Variants in WWOX observed in about 807,000 individuals in gnomAD.
WWOX encodes WW domain-containing oxidoreductase.
In WWOX, 69 loss-of-function variants were observed where a neutral mutation model predicts 46.2. That is an observed-to-expected ratio of 1.49 (90% CI 1.23 to 1.82). WWOX has a LOEUF of 1.82. WWOX is among the 40% of genes most tolerant of loss of function. The pLI is 0.00. For missense variants in WWOX, 919 were observed against 542.6 expected (o/e 1.69, Z -6.89); for synonymous variants, 359 against 202.6 (o/e 1.77, Z -6.56).
At chr16:79,011,130 C>G (rs912687367) in intron 8 of WWOX, among the ~76,000 whole-genome samples, 2 of 98,926 alleles carry the variant, frequency 2.0e-5, no homozygotes, top group African/African-American at 8.4e-5. Flanking sequence ...TACTCACTCA[C>G]ACATCCACAC....
At chr16:78,257,480 G>C (rs1038046053) in intron 5 of WWOX, among the ~76,000 whole-genome samples, 8 of 152,130 alleles carry the variant, frequency 5.3e-5, no homozygotes, top group African/African-American at 1.7e-4. Flanking sequence ...AGTGACACAA[G>C]ACTCTTTGGG....
intron 5 of WWOX, among the ~76,000 whole-genome samples, chr16:78,189,813 C>G (rs2035825672): frequency 6.6e-6 from 1 of 152,144 alleles, no homozygotes; most frequent in Non-Finnish European, 1.5e-5. Context: ...TGCCACCACG[C>G]TCAGCTAATT....
chr16:78,314,051 G>A (rs7200018), intron 5 of WWOX, among the ~76,000 whole-genome samples: 2,664 of 152,164 alleles, frequency 0.018, 72 homozygotes, highest in African/African-American at 0.061. Context: ...AAATGGAGCT[G>A]GGCATCTGTC....
intron 8 of WWOX, among the ~76,000 whole-genome samples, chr16:78,716,033 T>A (rs2142337668): frequency 6.6e-6 from 1 of 151,534 alleles, no homozygotes; most frequent in African/African-American, 2.4e-5. Flanking sequence ...ATTCTGATAA[T>A]CATTATCATC....
chr16:79,116,797 T>C (rs1197166235), intron 8 of WWOX, among the ~76,000 whole-genome samples: 11 of 151,992 alleles, frequency 7.2e-5, no homozygotes, highest in Non-Finnish European at 1.6e-4. Flanking sequence ...GCATCTAGAA[T>C]GCTGAATCCT....
intron 5 of WWOX, chr16:78,278,590 T>G: frequency 6.2e-7 from 1 of 1,605,746 alleles, no homozygotes; most frequent in Non-Finnish European, 8.5e-7. Flanking sequence ...TGTCTTTTGT[T>G]TGTATCTTAC....
In WWOX at chr16:78,821,300, ACAG is replaced by A. The variant is rs556895066; in HGVS notation, c.1056+388550_1056+388552del. On this transcript the variant is annotated intron_variant, in intron 8 of 8. Coordinates refer to ENST00000566780, the MANE Select transcript of WWOX (RefSeq NM_016373.4). ...GAGGCACAGGCTTGCCCCAGGTTAC[ACAG>A]CTAGTTATGATGGAGGGTGGGTCGG... Among the ~76,000 whole-genome samples, 10 of 152,304 alleles carry A rather than the reference ACAG, an allele frequency of 6.6e-5. No homozygotes were observed. The South Asian group carries it at 2.1e-3, about 32-fold the overall frequency.
intron 8 of WWOX, among the ~76,000 whole-genome samples, chr16:78,647,173 C>G (rs190661714): frequency 6.6e-6 from 1 of 152,162 alleles, no homozygotes; most frequent in Non-Finnish European, 1.5e-5. Context: ...GAATCAGCCT[C>G]TGGGAATCAC....
intron 8 of WWOX, among the ~76,000 whole-genome samples, chr16:78,773,078 G>C (rs2050104066): frequency 6.6e-6 from 1 of 152,122 alleles, no homozygotes. Context: ...CAAACAAAAA[G>C]AAATTAGGTA....
intron 5 of WWOX, among the ~76,000 whole-genome samples, chr16:78,359,075 C>T (rs13338259): frequency 0.22 from 33,231 of 152,002 alleles, 5,206 homozygotes; most frequent in African/African-American, 0.45. Flanking sequence ...AGTTTAAATG[C>T]AAATAGATAA....
At chr16:78,821,493 A>T (rs942694626) in intron 8 of WWOX, among the ~76,000 whole-genome samples, 1 of 152,212 alleles carries the variant, frequency 6.6e-6, no homozygotes, top group Admixed American at 6.5e-5. Context: ...GCCTTTGTCC[A>T]TTGTGTAATC....
At chr16:78,485,539 C>A (rs745625873) in intron 8 of WWOX, among the ~76,000 whole-genome samples, 1 of 152,168 alleles carries the variant, frequency 6.6e-6, no homozygotes, top group Non-Finnish European at 1.5e-5. Context: ...AAACGTTATT[C>A]CACAACATAC....
chr16:78,861,137 C>G (rs933676177), intron 8 of WWOX, among the ~76,000 whole-genome samples: 1 of 152,106 alleles, frequency 6.6e-6, no homozygotes, highest in African/African-American at 2.4e-5. Context: ...TCCTGTCTGC[C>G]TGCCTGCCTT....
intron 8 of WWOX, among the ~76,000 whole-genome samples, chr16:78,796,827 CTTT>C (rs530486192): frequency 3.8e-5 from 5 of 133,088 alleles, no homozygotes. Context: ...TTATCTTCTT[CTTT>C]TTTTTTTTTT....
intron 4 of WWOX, among the ~76,000 whole-genome samples, chr16:78,136,652 G>C (rs1419904989): frequency 6.6e-6 from 1 of 152,226 alleles, no homozygotes; most frequent in Non-Finnish European, 1.5e-5. Flanking sequence ...CTAAGCACAG[G>C]TTGGTTCGTT....
At chr16:78,389,906 C>G (rs1048472361) in intron 6 of WWOX, among the ~76,000 whole-genome samples, 7 of 152,124 alleles carry the variant, frequency 4.6e-5, no homozygotes, top group Non-Finnish European at 1.5e-5. Flanking sequence ...CAGGTTACCA[C>G]ACACAGCTAA....
chr16:78,255,358 T>G (rs1309097871), intron 5 of WWOX, among the ~76,000 whole-genome samples: 1 of 152,166 alleles, frequency 6.6e-6, no homozygotes, highest in Non-Finnish European at 1.5e-5. Flanking sequence ...CTAAAGGATT[T>G]AAAAACTTGG....
intron 8 of WWOX, among the ~76,000 whole-genome samples, chr16:79,208,176 C>G (rs2051583237): frequency 1.3e-5 from 2 of 152,198 alleles, no homozygotes; most frequent in Non-Finnish European, 2.9e-5. Context: ...GCACAGTTCT[C>G]CTCTGGCAGC....
intron 8 of WWOX, among the ~76,000 whole-genome samples, chr16:78,721,542 C>T (rs905009650): frequency 6.6e-6 from 1 of 152,156 alleles, no homozygotes; most frequent in Admixed American, 6.5e-5. Flanking sequence ...ATTTGCTCTT[C>T]TTTAGAAGTC....
Sources: allele counts gnomAD v4.1 joint callset (sites outside exome capture counted in the v4.1 genomes callset), GRCh38; gene constraint gnomAD v4.1.1; transcripts MANE v1.5; gene names NCBI Gene and HGNC (gene_info 2026-07-23, HGNC 2026-07-21).